MPP7: variants seen among roughly 807,000 people sequenced by gnomAD.
MPP7 encodes MAGUK p55 scaffold protein 7, also known as MAGUK p55 subfamily member 7.
Under a neutral mutation model 76.5 loss-of-function variants are expected in MPP7, and 60 were observed. The ratio of observed to expected loss-of-function variants is 0.78; its 90% CI spans 0.64 to 0.97. The LOEUF (loss-of-function observed/expected upper bound fraction) is 0.97, where lower values mean the gene tolerates loss of function less well. MPP7 is among the 50% of genes least tolerant of loss of function. MPP7 has a pLI of 0.00. For synonymous variants in MPP7, 237 were observed against 244.5 expected (o/e 0.97, Z 0.29); for missense variants, 641 against 694.0 (o/e 0.92, Z 0.86).
At chr10:28,251,731 G>T (rs10826435) in intron 1 of MPP7, among the ~76,000 whole-genome samples, 30,457 of 151,834 alleles carry the variant, frequency 0.2, 3,544 homozygotes, top group East Asian at 0.55. Flanking sequence ...ACCAACACAG[G>T]AGGCCTCTAT....
At chr10:28,254,257 T>A (rs1194128609) in intron 1 of MPP7, among the ~76,000 whole-genome samples, 1 of 152,130 alleles carries the variant, frequency 6.6e-6, no homozygotes, top group African/African-American at 2.4e-5. Context: ...TATCTTGTGG[T>A]CCAAGGGCTG....
chr10:28,327,520 A>AT (rs748538484), intron 2 of MPP7, among the ~76,000 whole-genome samples: 18 of 152,202 alleles, frequency 1.2e-4, no homozygotes, highest in Non-Finnish European at 1.9e-4. Context: ...ACAACTTTTG[A>AT]TTTTTTTTAA....
intron 1 of MPP7, among the ~76,000 whole-genome samples, chr10:28,250,741 C>T (rs779767366): frequency 3.3e-5 from 5 of 152,204 alleles, no homozygotes; most frequent in Non-Finnish European, 7.3e-5. Flanking sequence ...ACCCTGAACA[C>T]ACTGTGTTAT....
chr10:28,085,268 G>A (rs1436755014), intron 12 of MPP7, among the ~76,000 whole-genome samples: 1 of 152,118 alleles, frequency 6.6e-6, no homozygotes, highest in African/African-American at 2.4e-5. Flanking sequence ...ACTTCTCTCT[G>A]TGCTTCAGTT....
intron 2 of MPP7, among the ~76,000 whole-genome samples, chr10:28,221,544 T>C (rs1031285462): frequency 1.3e-5 from 2 of 152,118 alleles, no homozygotes; most frequent in African/African-American, 4.8e-5. Context: ...CAGAAACAAG[T>C]GAAATCAAAT....
chr10:28,271,845 C>T (rs1422174714), intron 1 of MPP7, among the ~76,000 whole-genome samples: 4 of 151,972 alleles, frequency 2.6e-5, no homozygotes, highest in Non-Finnish European at 5.9e-5. Flanking sequence ...CGTGGTGGCA[C>T]GTGCCTGGAG....
At chr10:28,123,537 C>T (rs955584208) in intron 8 of MPP7, among the ~76,000 whole-genome samples, 1 of 143,406 alleles carries the variant, frequency 7.0e-6, no homozygotes, top group African/African-American at 2.6e-5. Flanking sequence ...GGTGTGATCT[C>T]GACTCACTGC....
At chr10:28,135,095 G>A (rs553494781) in intron 5 of MPP7, among the ~76,000 whole-genome samples, 2 of 152,278 alleles carry the variant, frequency 1.3e-5, no homozygotes, top group African/African-American at 4.8e-5. Context: ...CTGAGAGACA[G>A]GAAACAATGT....
chr10:28,142,867 A>C (rs1320047216), intron 5 of MPP7, among the ~76,000 whole-genome samples: 1 of 152,246 alleles, frequency 6.6e-6, no homozygotes, highest in African/African-American at 2.4e-5. Context: ...AACAAGCTGG[A>C]AACAATGATC....
At chr10:28,146,360 G>T (rs1835702036) in intron 5 of MPP7, among the ~76,000 whole-genome samples, 1 of 151,650 alleles carries the variant, frequency 6.6e-6, no homozygotes, top group African/African-American at 2.4e-5. Flanking sequence ...TTTACTTATA[G>T]GGATTAGGGT....
intron 1 of MPP7, among the ~76,000 whole-genome samples, chr10:28,257,809 C>T (rs891741349): frequency 1.5e-4 from 22 of 151,438 alleles, no homozygotes; most frequent in African/African-American, 4.9e-4. Flanking sequence ...ATAACAGGTT[C>T]TATGTCTGTA....
intron 11 of MPP7, among the ~76,000 whole-genome samples, chr10:28,112,213 G>C (rs1588787630): frequency 6.6e-6 from 1 of 152,322 alleles, no homozygotes; most frequent in African/African-American, 2.4e-5. Flanking sequence ...ACGATATGAT[G>C]TGGCTTAGGC....
At chr10:28,061,990 T>A (rs1038563633) in intron 13 of MPP7, among the ~76,000 whole-genome samples, 6 of 152,212 alleles carry the variant, frequency 3.9e-5, no homozygotes, top group African/African-American at 1.4e-4. Context: ...CACAGCCGAC[T>A]GTTCAAAAAA....
At chr10:28,308,094 G>T (rs1841269287) in intron 2 of MPP7, among the ~76,000 whole-genome samples, 3 of 152,162 alleles carry the variant, frequency 2.0e-5, no homozygotes, top group Admixed American at 6.5e-5. Context: ...CTGTTGCAGG[G>T]GAAGAAGGGA....
At chr10:28,156,654 G>A (rs1034065728) in intron 3 of MPP7, among the ~76,000 whole-genome samples, 4 of 152,182 alleles carry the variant, frequency 2.6e-5, no homozygotes, top group African/African-American at 7.2e-5. Context: ...GACACTAACT[G>A]TGATCACTGC....
intron 5 of MPP7, among the ~76,000 whole-genome samples, chr10:28,134,765 G>C (rs151228408): frequency 5.9e-5 from 9 of 152,166 alleles, no homozygotes; most frequent in Admixed American, 3.3e-4. Context: ...CAAAGGCAAA[G>C]AGAAGATCCT....
At chr10:28,109,715 G>A (rs1480660056) in intron 11 of MPP7, among the ~76,000 whole-genome samples, 3 of 151,656 alleles carry the variant, frequency 2.0e-5, no homozygotes, top group Non-Finnish European at 2.9e-5. Flanking sequence ...ATCCTCCTCC[G>A]TGGCCAAGTG....
intron 2 of MPP7, among the ~76,000 whole-genome samples, chr10:28,228,077 G>GATCAA (rs1838756905): frequency 6.6e-6 from 1 of 152,140 alleles, no homozygotes; most frequent in Non-Finnish European, 1.5e-5. Context: ...GTATGAATAT[G>GATCAA]ATCAAATCAA....
At chr10:28,300,051 GC>G (rs1278016142) in intron 1 of MPP7, among the ~76,000 whole-genome samples, 1 of 152,188 alleles carries the variant, frequency 6.6e-6, no homozygotes, top group Non-Finnish European at 1.5e-5. Context: ...ACAGGCGTGA[GC>G]CACCATGCCT....
Sources: gnomAD v4.1 joint callset for allele counts (sites outside exome capture counted in the v4.1 genomes callset) on GRCh38, gnomAD v4.1.1 for gene constraint, MANE v1.5 for transcripts, NCBI Gene and HGNC (gene_info 2026-07-23, HGNC 2026-07-21) for gene names.